KCNN2: variants seen among roughly 807,000 people sequenced by gnomAD.
The protein encoded by KCNN2 is potassium calcium-activated channel subfamily N member 2, also known as small conductance calcium-activated potassium channel protein 2.
In KCNN2, 24 loss-of-function variants were observed where a neutral mutation model predicts 55.5. That is an observed-to-expected ratio of 0.43 (90% CI 0.31 to 0.61). The LOEUF is 0.61. Among genes scored for constraint, KCNN2 ranks in the 20% least tolerant of loss-of-function variants. The pLI, the probability that KCNN2 is intolerant of heterozygous loss-of-function variation, is 0.08. For missense variants in KCNN2, 754 were observed against 853.6 expected (o/e 0.88, Z 1.45); for synonymous variants, 431 against 336.1 (o/e 1.28, Z -3.09).
intron 2 of KCNN2, among the ~76,000 whole-genome samples, chr5:114,259,689 G>T (rs1451640071): frequency 6.6e-6 from 1 of 152,058 alleles, no homozygotes; most frequent in Non-Finnish European, 1.5e-5. Context: ...TCAGATACTG[G>T]TGGTCTGCTG....
chr5:114,071,695 C>G (rs908850533), intron 1 of KCNN2, among the ~76,000 whole-genome samples: 2 of 152,034 alleles, frequency 1.3e-5, no homozygotes, highest in African/African-American at 4.8e-5. Context: ...ATGGAAAGCT[C>G]TCTCAATAGG....
At chr5:114,426,073 T>C (rs1272787806) in intron 3 of KCNN2, among the ~76,000 whole-genome samples, 1 of 152,042 alleles carries the variant, frequency 6.6e-6, no homozygotes, top group Non-Finnish European at 1.5e-5. Flanking sequence ...TCCCAGCTAC[T>C]TGGGGAGCTG....
In KCNN2 at chr5:114,402,764, G is replaced by C. The variant is rs191687842; in HGVS notation, c.1219-1674G>C. The stretch of plus-strand genomic sequence containing the variant: ...GGGGTCAGCTGAGCTTGAAGGCACA[G>C]GTGGGTGGTGGCCATAGGCCACCTG... On this transcript the variant is annotated intron_variant, in intron 2 of 7. Transcript: ENST00000673685. 5.3e-4 allele frequency among the ~76,000 whole-genome samples: 81 copies of C among 152,350 alleles called. No individual in the cohort carries two copies. The South Asian group carries it at 9.3e-3, about 18-fold the overall frequency.
In KCNN2 at chr5:114,209,994, G is replaced by T. The variant is rs548943250; in HGVS notation, c.-270-11486G>T. On this transcript the variant is annotated intron_variant, in intron 1 of 10. Transcript: ENST00000512097. The stretch of plus-strand genomic sequence containing the variant: ...AGGTGGAGAGCAGCAAAAAATTTGA[G>T]TTGCCTCATGTGCGTGTTCCTAGCT... 2.0e-5 allele frequency among the ~76,000 whole-genome samples: 3 copies of T among 152,228 alleles called. No homozygotes were observed. In the East Asian group the frequency reaches 5.8e-4, roughly 29 times the overall value.
intron 2 of KCNN2, among the ~76,000 whole-genome samples, chr5:114,323,749 G>C (rs1055688757): frequency 6.9e-6 from 1 of 144,020 alleles, no homozygotes; most frequent in East Asian, 2.4e-4. Flanking sequence ...CCGTCTGCCC[G>C]GTTCAAGAGA....
chr5:114,427,493 C>G (rs542245834), intron 3 of KCNN2, among the ~76,000 whole-genome samples: 3 of 152,202 alleles, frequency 2.0e-5, no homozygotes, highest in Non-Finnish European at 2.9e-5. Flanking sequence ...AAATTCCCAT[C>G]AAACCAATCC....
chr5:114,329,073 T>C (rs1327327678), intron 2 of KCNN2, among the ~76,000 whole-genome samples: 2 of 152,214 alleles, frequency 1.3e-5, no homozygotes, highest in African/African-American at 2.4e-5. Context: ...CTTCTTTATA[T>C]TCCTAGATAC....
rs551057531 is a variant in KCNN2 at position 114,089,534 on chromosome 5, G to T, written c.-271+33034G>T. On this transcript the variant is annotated intron_variant, in intron 1 of 10. Transcript: ENST00000512097. ...CATCCTACTCATGTGTAGTTGGGTAGTCAGGCAAAAATTCAGGAGGAATCT... is the reference window on the plus strand; with the variant it reads ...CATCCTACTCATGTGTAGTTGGGTATTCAGGCAAAAATTCAGGAGGAATCT... 2.0e-5 allele frequency among the ~76,000 whole-genome samples: 3 copies of T among 152,274 alleles called. No individual in the cohort carries two copies. The East Asian group carries it at 5.8e-4, about 29-fold the overall frequency.
chr5:114,404,491 G>A lies in KCNN2; in HGVS notation c.1272G>A (p.Glu424=), dbSNP rs781633189. 6.8e-6 allele frequency: 11 copies of A among 1,613,320 alleles called. No homozygotes were observed. In the Admixed American group the frequency reaches 1.7e-4, roughly 24 times the overall value. The stretch of plus-strand genomic sequence containing the variant: ...ACTGGAGAATAGCCATGACTTATGA[G>A]CGTATTTTCTTCATCTGCTTGGAAA... The part of the protein sequence containing the change: ...ADDWRIAMTY[E]RIFFICLEIL... Residue 424 remains glutamate (E), a synonymous_variant, in exon 3 of 8, where the codon GAG becomes GAA. Coordinates refer to ENST00000673685, the MANE Select transcript of KCNN2 (RefSeq NM_021614.4).
intron 1 of KCNN2, among the ~76,000 whole-genome samples, chr5:114,071,746 A>G (rs1385057722): frequency 6.6e-6 from 1 of 152,196 alleles, no homozygotes; most frequent in Non-Finnish European, 1.5e-5. Context: ...TTTTCATTAC[A>G]GTATCTTTTA....
chr5:114,340,670 G>C (rs1580732799), intron 2 of KCNN2, among the ~76,000 whole-genome samples: 1 of 12,400 alleles, frequency 8.1e-5, no homozygotes, highest in Non-Finnish European at 2.4e-4. Flanking sequence ...GTGTGTGCAT[G>C]TGTGTGTGTG....
At chr5:114,147,791 T>A (rs1752429312) in intron 1 of KCNN2, among the ~76,000 whole-genome samples, 1 of 152,158 alleles carries the variant, frequency 6.6e-6, no homozygotes, top group African/African-American at 2.4e-5. Context: ...AAATTGTCAG[T>A]ATGAAGTTGG....
intron 2 of KCNN2, among the ~76,000 whole-genome samples, chr5:114,269,336 T>G (rs564523188): frequency 1.3e-5 from 2 of 152,328 alleles, no homozygotes; most frequent in African/African-American, 4.8e-5. Flanking sequence ...TTAACTTTCC[T>G]AGTCCCCTTT....
At chr5:114,212,413 G>A (rs892756574) in intron 1 of KCNN2, among the ~76,000 whole-genome samples, 1 of 152,032 alleles carries the variant, frequency 6.6e-6, no homozygotes, top group Non-Finnish European at 1.5e-5. Flanking sequence ...GATGATAGTA[G>A]GGGTAGTTTC....
At chr5:114,377,026 A>G (rs778280771) in intron 2 of KCNN2, among the ~76,000 whole-genome samples, 21 of 152,184 alleles carry the variant, frequency 1.4e-4, no homozygotes, top group Non-Finnish European at 2.8e-4. Context: ...ACTGCAGTGA[A>G]TTATGATTGT....
chr5:114,235,485 T>C (rs186700316), intron 2 of KCNN2, among the ~76,000 whole-genome samples: 56 of 152,334 alleles, frequency 3.7e-4, no homozygotes, highest in Admixed American at 1.0e-3. Context: ...AAATGAACAC[T>C]GATTCATAAA....
At chr5:114,095,714 A>G (rs1751241440) in intron 1 of KCNN2, among the ~76,000 whole-genome samples, 1 of 152,116 alleles carries the variant, frequency 6.6e-6, no homozygotes, top group Non-Finnish European at 1.5e-5. Context: ...GGCTTGGCCT[A>G]CCTAACTCCT....
At chr5:114,358,650 CT>C (rs5870604), upstream of KCNN2, among the ~76,000 whole-genome samples, 55,436 of 151,334 alleles carry the variant, frequency 0.37, 11,621 homozygotes, top group East Asian at 0.84. Flanking sequence ...TGATCTGCGT[CT>C]TTTTTTTTCC....
intron 2 of KCNN2, among the ~76,000 whole-genome samples, chr5:114,295,389 G>GA (rs1351194978): frequency 3.9e-5 from 6 of 152,090 alleles, no homozygotes; most frequent in African/African-American, 1.4e-4. Context: ...TTACCTCATC[G>GA]AGCCTGGGCA....
Sources: allele counts gnomAD v4.1 joint callset (sites outside exome capture counted in the v4.1 genomes callset), GRCh38; gene constraint gnomAD v4.1.1; transcripts MANE v1.5; gene names NCBI Gene and HGNC (gene_info 2026-07-23, HGNC 2026-07-21).